Variants in DCC observed in about 807,000 individuals in gnomAD.
The protein encoded by DCC is DCC netrin 1 receptor.
Under a neutral mutation model 172.5 loss-of-function variants are expected in DCC, and 58 were observed. The observed-to-expected ratio is 0.34, with a 90% CI of 0.27 to 0.42. DCC has a LOEUF of 0.42. DCC is among the 10% of genes least tolerant of loss of function. The probability of loss-of-function intolerance (pLI) is 1.00; values close to 1 mark genes in which losing one functional copy is unlikely to be tolerated. For missense variants in DCC, 1,740 were observed against 1,791.0 expected (o/e 0.97, Z 0.51); for synonymous variants, 709 against 644.5 (o/e 1.10, Z -1.52).
chr18:52,704,512 C>T (rs1360697158), intron 1 of DCC, among the ~76,000 whole-genome samples: 2 of 152,166 alleles, frequency 1.3e-5, no homozygotes, highest in Admixed American at 1.3e-4. Flanking sequence ...CTCCTCCTAT[C>T]CTGAAAGTTT....
At chr18:53,526,968 A>G (rs1393067917) in intron 28 of DCC, 3 of 581,122 alleles carry the variant, frequency 5.2e-6, no homozygotes, top group Non-Finnish European at 9.1e-6. Flanking sequence ...AGACTTAGTT[A>G]TGTAAAAAAG....
chr18:53,456,704 G>T (rs903542651), intron 23 of DCC, among the ~76,000 whole-genome samples: 1 of 152,138 alleles, frequency 6.6e-6, no homozygotes, highest in African/African-American at 2.4e-5. Context: ...CAGTGCTGAT[G>T]CCTCTGGTTT....
intron 1 of DCC, among the ~76,000 whole-genome samples, chr18:52,725,570 C>G (rs7234164): frequency 0.98 from 148,910 of 152,262 alleles, 72,893 homozygotes; most frequent in East Asian, 1. Context: ...GTTGTTACTA[C>G]GTAATGAGAA....
intron 12 of DCC, among the ~76,000 whole-genome samples, chr18:53,276,693 G>C (rs903911400): frequency 3.0e-4 from 46 of 152,220 alleles, no homozygotes; most frequent in African/African-American, 1.0e-3. Context: ...TAAAATCCAA[G>C]GGACCTCATG....
intron 12 of DCC, among the ~76,000 whole-genome samples, chr18:53,275,510 A>AT (rs1330696864): frequency 2.0e-5 from 3 of 152,080 alleles, no homozygotes; most frequent in Non-Finnish European, 2.9e-5. Flanking sequence ...TTCACTCAAC[A>AT]TTTTTTGCTG....
chr18:53,405,804 T>C (rs1020087504), intron 19 of DCC, among the ~76,000 whole-genome samples: 4 of 152,224 alleles, frequency 2.6e-5, no homozygotes, highest in Non-Finnish European at 4.4e-5. Flanking sequence ...TATTATTCCA[T>C]TTTAAAATGA....
At chr18:53,450,684 A>C in intron 23 of DCC, 22 bp downstream of exon 23, 1 of 1,591,030 alleles carries the variant, frequency 6.3e-7, no homozygotes, top group South Asian at 1.1e-5. Context: ...CTGGTTCCCA[A>C]GAGGAAAGAA....
At chr18:52,898,956 C>T (rs2039771849) in intron 2 of DCC, among the ~76,000 whole-genome samples, 1 of 152,104 alleles carries the variant, frequency 6.6e-6, no homozygotes, top group Admixed American at 6.6e-5. Flanking sequence ...GAGGAAATCC[C>T]ATTCAAAACG....
chr18:53,247,003 A>G (rs961106754), intron 12 of DCC, among the ~76,000 whole-genome samples: 2 of 152,044 alleles, frequency 1.3e-5, no homozygotes, highest in Non-Finnish European at 2.9e-5. Context: ...TTCTAAGTAA[A>G]GGAAACATTG....
intron 7 of DCC, among the ~76,000 whole-genome samples, chr18:53,093,395 A>G (rs563225110): frequency 2.6e-5 from 4 of 152,358 alleles, no homozygotes; most frequent in African/African-American, 9.6e-5. Flanking sequence ...GCTCGAAATG[A>G]GACCTAGGTA....
chr18:52,639,397 C>G (rs2034847252), intron 1 of DCC, among the ~76,000 whole-genome samples: 1 of 151,808 alleles, frequency 6.6e-6, no homozygotes, highest in Admixed American at 6.6e-5. Context: ...GTAAGTAAAA[C>G]TGATAGACCG....
At chr18:52,610,047 C>T (rs1386990591) in intron 1 of DCC, among the ~76,000 whole-genome samples, 1 of 147,514 alleles carries the variant, frequency 6.8e-6, no homozygotes, top group African/African-American at 2.5e-5. Flanking sequence ...GGCGCGGTGG[C>T]TTACACCTGT....
chr18:52,719,060 G>T (rs936139151), intron 1 of DCC, among the ~76,000 whole-genome samples: 1 of 151,982 alleles, frequency 6.6e-6, no homozygotes, highest in East Asian at 1.9e-4. Flanking sequence ...CCACCCTTAG[G>T]ACTCCTTGGC....
chr18:52,837,861 A>G (rs1160405197), intron 2 of DCC, among the ~76,000 whole-genome samples: 1 of 152,198 alleles, frequency 6.6e-6, no homozygotes, highest in East Asian at 1.9e-4. Context: ...ATTGACTCAC[A>G]GTTCTGCAGG....
chr18:52,764,612 T>A (rs967975008), intron 2 of DCC, among the ~76,000 whole-genome samples: 1 of 152,218 alleles, frequency 6.6e-6, no homozygotes, highest in African/African-American at 2.4e-5. Flanking sequence ...TGGCTTCCCT[T>A]CACCTTCTGC....
intron 21 of DCC, among the ~76,000 whole-genome samples, chr18:53,427,410 T>A (rs934468477): frequency 1.3e-5 from 2 of 152,108 alleles, no homozygotes; most frequent in African/African-American, 4.8e-5. Flanking sequence ...TATGTTTTAT[T>A]CTATTAAGAA....
chr18:53,347,760 G>A (rs2057742043), intron 15 of DCC, among the ~76,000 whole-genome samples: 1 of 152,160 alleles, frequency 6.6e-6, no homozygotes, highest in Admixed American at 6.5e-5. Flanking sequence ...AGAAGGCAAG[G>A]AGAAGCAAGT....
chr18:52,358,399 A>T (rs1445029819), intron 1 of DCC, among the ~76,000 whole-genome samples: 1 of 152,222 alleles, frequency 6.6e-6, no homozygotes, highest in Non-Finnish European at 1.5e-5. Flanking sequence ...TAATTGAGAG[A>T]ACAAAGACAA....
intron 1 of DCC, among the ~76,000 whole-genome samples, chr18:52,733,562 A>G (rs2036679170): frequency 6.6e-6 from 1 of 152,070 alleles, no homozygotes; most frequent in African/African-American, 2.4e-5. Context: ...TGGCATGATC[A>G]TAACACATTG....
Sources: gnomAD v4.1 joint callset for allele counts (sites outside exome capture counted in the v4.1 genomes callset) on GRCh38, gnomAD v4.1.1 for gene constraint, MANE v1.5 for transcripts, NCBI Gene and HGNC (gene_info 2026-07-23, HGNC 2026-07-21) for gene names.